The following DSCAML1 variants were observed in gnomAD, a reference collection of about 807,000 sequenced individuals.
DSCAML1 encodes cell adhesion molecule DSCAML1.
In DSCAML1, 38 loss-of-function variants were observed where a neutral mutation model predicts 200.5. The observed-to-expected ratio is 0.19, with a 90% confidence interval of 0.15 to 0.25. The LOEUF is 0.25. Among genes scored for constraint, DSCAML1 ranks in the 10% least tolerant of loss-of-function variants. DSCAML1 has a pLI of 1.00. For missense variants in DSCAML1, 2,223 were observed against 2,858.8 expected (o/e 0.78, Z 5.07); for synonymous variants, 1,215 against 1,165.0 (o/e 1.04, Z -0.87).
intron 3 of DSCAML1, among the ~76,000 whole-genome samples, chr11:117,614,519 C>T (rs970018381): frequency 1.3e-5 from 2 of 152,212 alleles, no homozygotes; most frequent in Non-Finnish European, 2.9e-5. Context: ...TCTCTTTTCT[C>T]TTCCTCTACC....
intron 18 of DSCAML1, among the ~76,000 whole-genome samples, chr11:117,459,157 T>C (rs1565700528): frequency 6.6e-6 from 1 of 152,230 alleles, no homozygotes; most frequent in Non-Finnish European, 1.5e-5. Context: ...CCGGCCTCAA[T>C]TGACCTTGCA....
At chr11:117,626,975 C>T (rs2052058822) in intron 3 of DSCAML1, among the ~76,000 whole-genome samples, 1 of 152,204 alleles carries the variant, frequency 6.6e-6, no homozygotes, top group African/African-American at 2.4e-5. Flanking sequence ...CCTGAGTTCT[C>T]CAGGCAGTGG....
intron 11 of DSCAML1, among the ~76,000 whole-genome samples, chr11:117,488,839 T>G (rs1439144889): frequency 1.3e-5 from 2 of 152,250 alleles, no homozygotes; most frequent in African/African-American, 4.8e-5. Context: ...TTCTAAGTAC[T>G]TTGCATGAAT....
intron 3 of DSCAML1, among the ~76,000 whole-genome samples, chr11:117,534,996 CCCTCCCTCCCTCCTTTCTTT>C (rs374631484): frequency 1.3e-5 from 2 of 152,048 alleles, no homozygotes; most frequent in Non-Finnish European, 2.9e-5. Flanking sequence ...TTCCAATTGC[CCCTCCCTCCCTCCTTTCTTT>C]CCTCCCTCCC....
Position 117,666,394 on chromosome 11 carries a change from T to C in DSCAML1, c.511+110397A>G, listed in dbSNP as rs1174322287. Reference sequence around the variant, plus strand: ...TGTTAGTGCCCCTGCCTCTGTCTAATAGTCAGACGCCTACATTATAACAGA... The same window carrying C: ...TGTTAGTGCCCCTGCCTCTGTCTAACAGTCAGACGCCTACATTATAACAGA... On this transcript the variant is annotated intron_variant, in intron 3 of 32. Transcript: ENST00000651296. 2.6e-5 allele frequency among the ~76,000 whole-genome samples: 4 copies of C among 152,238 alleles called. No homozygotes were observed. In the South Asian group the frequency reaches 6.2e-4, roughly 24 times the overall value.
At chr11:117,615,846 C>T (rs1251882332) in intron 3 of DSCAML1, among the ~76,000 whole-genome samples, 1 of 152,082 alleles carries the variant, frequency 6.6e-6, no homozygotes, top group East Asian at 1.9e-4. Context: ...GAAGAGTGTT[C>T]AGTTGTTGAG....
At chr11:117,450,057 G>A (rs973418705) in intron 20 of DSCAML1, among the ~76,000 whole-genome samples, 5 of 152,152 alleles carry the variant, frequency 3.3e-5, no homozygotes, top group African/African-American at 7.2e-5. Context: ...GGCCCTGGTC[G>A]AGAGACGCCT....
chr11:117,569,939 A>T (rs890877881), intron 3 of DSCAML1, among the ~76,000 whole-genome samples: 9 of 152,196 alleles, frequency 5.9e-5, no homozygotes, highest in African/African-American at 2.2e-4. Context: ...CTGGCATGGG[A>T]TGTGAATGAG....
intron 1 of DSCAML1, among the ~76,000 whole-genome samples, chr11:117,784,440 C>A (rs2055315135): frequency 6.6e-6 from 1 of 152,178 alleles, no homozygotes; most frequent in South Asian, 2.1e-4. Context: ...CCTCAAATCT[C>A]TGCTATGTGC....
intron 3 of DSCAML1, among the ~76,000 whole-genome samples, chr11:117,700,109 G>A (rs2137742361): frequency 6.6e-6 from 1 of 152,334 alleles, no homozygotes; most frequent in African/African-American, 2.4e-5. Context: ...TGGTTCAGAA[G>A]CCTGGCCAGA....
rs2055213049 is a variant in DSCAML1, at chr11:117,780,228, A to AAAGAAAGG, written c.364+264_364+265insCCTTTCTT. On this transcript the variant is annotated intron_variant, in intron 2 of 32. Transcript: ENST00000651296. This position sits in a 1 kb window ranked among gnomAD's most constrained non-coding sequence, Gnocchi z 4.8. The stretch of plus-strand genomic sequence containing the variant: ...AAGAAAGAGAGAGAGAGAAAGAAAG[A>AAAGAAAGG]AAGGAAAGAAAGAAAGAAAGAAAGA... Among the ~76,000 whole-genome samples the AAAGAAAGG allele has an allele frequency of 1.8e-5, 2 of 113,142 alleles. No individual in the cohort carries two copies. Among genetic ancestry groups the AAAGAAAGG allele is most frequent in the Non-Finnish European group, 3.6e-5 (2 of 55,792 alleles). The allele number at this position is 113,142 out of a possible 152,430, so 74.2% of individuals were successfully genotyped here. A position where few individuals can be genotyped will look rare whatever the true frequency, so the allele number is the denominator to read the frequency against.
intron 20 of DSCAML1, among the ~76,000 whole-genome samples, chr11:117,449,520 A>G (rs958197174): frequency 6.6e-6 from 1 of 152,114 alleles, no homozygotes; most frequent in African/African-American, 2.4e-5. Context: ...TTACTGAGCA[A>G]TTTCAGGGCA....
At chr11:117,787,929 C>A (rs1017814164) in intron 1 of DSCAML1, among the ~76,000 whole-genome samples, 2 of 152,148 alleles carry the variant, frequency 1.3e-5, no homozygotes, top group African/African-American at 2.4e-5. Context: ...TTGTTCTCAT[C>A]CCAGAGTTGG....
chr11:117,557,854 G>T (rs1302674710), intron 3 of DSCAML1, among the ~76,000 whole-genome samples: 3 of 151,944 alleles, frequency 2.0e-5, no homozygotes, highest in African/African-American at 7.3e-5. Context: ...GGTGATTTTC[G>T]CCCCTTAGGA....
chr11:117,561,459 G>C (rs1324224862), intron 3 of DSCAML1, among the ~76,000 whole-genome samples: 1 of 152,200 alleles, frequency 6.6e-6, no homozygotes, highest in East Asian at 1.9e-4. Context: ...CGGCTATGGG[G>C]ATGAAATCTG....
intron 3 of DSCAML1, among the ~76,000 whole-genome samples, chr11:117,566,116 T>C (rs901154272): frequency 6.6e-6 from 1 of 152,192 alleles, no homozygotes; most frequent in Non-Finnish European, 1.5e-5. Context: ...ATCCTCCCAG[T>C]TAATTGTTAT....
chr11:117,760,997 G>A (rs2054790982), intron 3 of DSCAML1, among the ~76,000 whole-genome samples: 1 of 152,170 alleles, frequency 6.6e-6, no homozygotes, highest in Non-Finnish European at 1.5e-5. Flanking sequence ...GCCAAAGACT[G>A]TTAGAAAAAT....
intron 1 of DSCAML1, among the ~76,000 whole-genome samples, chr11:117,807,032 T>C (rs569092326): frequency 6.6e-6 from 1 of 152,320 alleles, no homozygotes; most frequent in South Asian, 2.1e-4. Flanking sequence ...ATCACAATAC[T>C]TTTTGCCTCC....
At chr11:117,454,412 T>A (rs144981180) in intron 19 of DSCAML1, among the ~76,000 whole-genome samples, 1 of 152,254 alleles carries the variant, frequency 6.6e-6, no homozygotes, top group Non-Finnish European at 1.5e-5. Flanking sequence ...TCACAAGTTA[T>A]ATCTTCAACT....
Sources: allele counts gnomAD v4.1 joint callset (sites outside exome capture counted in the v4.1 genomes callset), GRCh38; gene constraint gnomAD v4.1.1; non-coding constraint Gnocchi (gnomAD v3.1); transcripts MANE v1.5; gene names NCBI Gene and HGNC (gene_info 2026-07-23, HGNC 2026-07-21).